The following FAM153A variants were observed in gnomAD, a reference collection of about 807,000 sequenced individuals.
FAM153A encodes family with sequence similarity 153 member A, also known as protein FAM153A.
FAM153A carries 12 observed loss-of-function variants against 48.1 expected under a neutral mutation model. That is an observed-to-expected ratio of 0.25 (90% CI 0.16 to 0.40). The LOEUF (loss-of-function observed/expected upper bound fraction) is 0.40. FAM153A is among the 10% of genes least tolerant of loss of function. FAM153A has a pLI of 1.00. For synonymous variants in FAM153A, 36 were observed against 118.2 expected (o/e 0.30, Z 4.51); for missense variants, 111 against 345.8 (o/e 0.32, Z 5.38).
chr5:177,761,097 C>G (rs546949942), intron 1 of FAM153A, among the ~76,000 whole-genome samples: 1 of 150,734 alleles, frequency 6.6e-6, no homozygotes, highest in South Asian at 2.1e-4. Flanking sequence ...CCATCATGCA[C>G]AGGTCTGCAG....
chr5:177,716,483 T>A (rs1487117061), intron 24 of FAM153A: 7 of 151,876 alleles, frequency 4.6e-5, no homozygotes. Context: ...ATTTTCCTAC[T>A]AAATTACATG....
chr5:177,746,858 T>G (rs1176112798), intron 4 of FAM153A, among the ~76,000 whole-genome samples: 1 of 150,690 alleles, frequency 6.6e-6, no homozygotes, highest in Non-Finnish European at 1.5e-5. Flanking sequence ...CTTGGGTATG[T>G]GTGCTACTGA....
chr5:177,709,656 C>T (rs1399992328), downstream of FAM153A, among the ~76,000 whole-genome samples: 5 of 135,770 alleles, frequency 3.7e-5, no homozygotes, highest in Admixed American at 2.2e-4. Flanking sequence ...CCACTGCGCC[C>T]GGCTGGGTTT....
chr5:177,743,190 G>GTTT (rs757108757), intron 6 of FAM153A, among the ~76,000 whole-genome samples: 3 of 75,756 alleles, frequency 4.0e-5, no homozygotes, highest in African/African-American at 1.5e-4. Context: ...GCATTCACTT[G>GTTT]TTTTTTTTTT....
At chr5:177,776,544 C>A (rs1184398477) in intron 1 of FAM153A, among the ~76,000 whole-genome samples, 1 of 79,896 alleles carries the variant, frequency 1.3e-5, no homozygotes, top group African/African-American at 5.2e-5. Context: ...ACCTAGGAAT[C>A]CAACTTACAA....
At chr5:177,723,649 GCTT>G (rs1761658337) in exon 21 of FAM153A, 1 of 148,758 alleles carries the variant, frequency 6.7e-6, no homozygotes, top group Non-Finnish European at 1.4e-5. Flanking sequence ...ACATTTCAGT[GCTT>G]CTTGGATCCT....
At chr5:177,750,102 T>C (rs1277351420) in intron 2 of FAM153A, 105 of 148,568 alleles carry the variant, frequency 7.1e-4, no homozygotes, top group African/African-American at 2.7e-3. Context: ...ATACAAAAGA[T>C]CTTACATGTA....
downstream of FAM153A, among the ~76,000 whole-genome samples, chr5:177,703,537 G>A (rs1582084221): frequency 6.7e-6 from 1 of 149,460 alleles, no homozygotes; most frequent in African/African-American, 2.5e-5. Context: ...CTGTTGGGAA[G>A]GCATGAAATG....
At chr5:177,759,355 T>TAA in intron 1 of FAM153A, among the ~76,000 whole-genome samples, 1 of 151,830 alleles carries the variant, frequency 6.6e-6, no homozygotes, top group Non-Finnish European at 1.5e-5. Context: ...TAGGAACACT[T>TAA]ACACTGTTGG....
intron 6 of FAM153A, among the ~76,000 whole-genome samples, chr5:177,743,203 TTTG>T (rs1561923357): frequency 4.8e-5 from 2 of 41,716 alleles, no homozygotes; most frequent in Non-Finnish European, 9.9e-5. Context: ...TTTTTTTTGT[TTTG>T]TTTTTTTTTT....
At position 177,729,476 on chromosome 5, in the gene FAM153A, C is replaced by T. The variant is rs376217834; in HGVS notation, c.933+9G>A. ...AATTTCCTTTTCAGAGGAAAGAAGA[C>T]GACTTTACCATGTGAACCCCTGTGG... On this transcript the variant is annotated intron_variant, in intron 17 of 20. Coordinates refer to ENST00000614127, the Ensembl canonical transcript of FAM153A. The T allele has an allele frequency of 1.1e-4, 182 of 1,605,052 alleles. 4 individuals carry two copies. In the African/African-American group the frequency reaches 1.8e-3, roughly 16 times the overall value.
the FAM153A span, among the ~76,000 whole-genome samples, chr5:177,697,875 C>T: frequency 6.6e-6 from 1 of 151,228 alleles, no homozygotes; most frequent in Non-Finnish European, 1.5e-5. Context: ...GCAGCCAGTT[C>T]CCCCTGCCCC....
chr5:177,741,420 A>G lies in FAM153A; in HGVS notation c.365-88T>C, dbSNP rs1582412429. On this transcript the variant is annotated intron_variant, in intron 6 of 20. Transcript: ENST00000614127. ...TGTGTGCTAAAAACACGGGGCTGGC[A>G]CATGTAGACAAGGGGGGTTAACTAC... The G allele has an allele frequency of 2.5e-6, 2 of 807,844 alleles. 1 individual carries two copies. Among genetic ancestry groups the G allele is most frequent in the African/African-American group, 4.6e-5 (2 of 43,310 alleles). The allele number at this position is 807,844 out of a possible 1,614,324, so 50.0% of individuals were successfully genotyped here.
downstream of FAM153A, among the ~76,000 whole-genome samples, chr5:177,706,038 A>G (rs1411988300): frequency 1.3e-5 from 2 of 151,886 alleles, no homozygotes; most frequent in Non-Finnish European, 2.9e-5. Flanking sequence ...TAACGTTAAT[A>G]TGTCAGTGTT....
At chr5:177,746,592 C>T (rs1766040747) in intron 4 of FAM153A, among the ~76,000 whole-genome samples, 1 of 151,004 alleles carries the variant, frequency 6.6e-6, no homozygotes, top group African/African-American at 2.5e-5. Context: ...CTCAATTATC[C>T]TACCATTTAA....
intron 24 of FAM153A, among the ~76,000 whole-genome samples, chr5:177,716,584 C>G (rs527722052): frequency 6.6e-6 from 1 of 151,632 alleles, no homozygotes; most frequent in African/African-American, 2.4e-5. Context: ...ATGTCCTGAC[C>G]AAGTTCCCCC....
chr5:177,730,477 A>T (rs1449072797), intron 16 of FAM153A, among the ~76,000 whole-genome samples: 1 of 120,516 alleles, frequency 8.3e-6, no homozygotes, highest in East Asian at 3.0e-4. Context: ...TCAACACTGT[A>T]GTCCAAAAGC....
chr5:177,698,784 G>A, the FAM153A span, among the ~76,000 whole-genome samples: 6 of 147,490 alleles, frequency 4.1e-5, no homozygotes, highest in African/African-American at 1.6e-4. Context: ...TCAGCATCCT[G>A]AGTAGCTGGG....
At chr5:177,697,327 A>G in the FAM153A span, among the ~76,000 whole-genome samples, 1 of 151,926 alleles carries the variant, frequency 6.6e-6, no homozygotes, top group East Asian at 1.9e-4. Flanking sequence ...GGAATTACGT[A>G]TATCCTACTG....
Sources: gnomAD v4.1 joint callset for allele counts (sites outside exome capture counted in the v4.1 genomes callset) on GRCh38, gnomAD v4.1.1 for gene constraint, MANE v1.5 for transcripts, NCBI Gene and HGNC (gene_info 2026-07-23, HGNC 2026-07-21) for gene names.